Variants in ATP10D observed in about 807,000 individuals in gnomAD.
The protein encoded by ATP10D is ATPase phospholipid transporting 10D (putative), also known as phospholipid-transporting ATPase VD.
In ATP10D, 89 loss-of-function variants were observed where a neutral mutation model predicts 144.8. The observed-to-expected ratio is 0.61, with a 90% confidence interval of 0.52 to 0.73. ATP10D has a LOEUF of 0.73. ATP10D is among the 30% of genes least tolerant of loss of function. The probability of loss-of-function intolerance (pLI) is 0.00; values close to 1 mark genes in which losing one functional copy is unlikely to be tolerated. For missense variants in ATP10D, 1,603 were observed against 1,714.8 expected (o/e 0.93, Z 1.15); for synonymous variants, 571 against 615.1 (o/e 0.93, Z 1.06).
intron 1 of ATP10D, among the ~76,000 whole-genome samples, chr4:47,509,221 C>G (rs1716182667): frequency 7.6e-6 from 1 of 131,006 alleles, no homozygotes; most frequent in Non-Finnish European, 1.6e-5. Flanking sequence ...TATTTTCAAA[C>G]ATTGAAAATA....
chr4:47,576,000 C>T (rs1352417564), intron 18 of ATP10D, among the ~76,000 whole-genome samples: 5 of 138,738 alleles, frequency 3.6e-5, no homozygotes, highest in Admixed American at 1.5e-4. Flanking sequence ...GGCGCGATCT[C>T]GGCTCACTGC....
intron 9 of ATP10D, among the ~76,000 whole-genome samples, chr4:47,541,095 A>G (rs1161812462): frequency 2.0e-5 from 3 of 152,200 alleles, no homozygotes; most frequent in South Asian, 2.1e-4. Flanking sequence ...CTGTGCCTCA[A>G]TAAAAAGGAT....
chr4:47,580,752 T>A (rs1215195162), intron 20 of ATP10D, among the ~76,000 whole-genome samples: 1 of 152,160 alleles, frequency 6.6e-6, no homozygotes, highest in Non-Finnish European at 1.5e-5. Flanking sequence ...TGTCTGGCTA[T>A]ATAATTAGAT....
Position 47,563,573 on chromosome 4 carries a change from T to A in ATP10D, c.2669-8T>A. 6.3e-7 allele frequency: 1 copy of A among 1,595,922 alleles called. No homozygotes were observed. The highest frequency in any genetic ancestry group is 8.5e-7 in the Non-Finnish European group (1 of 1,173,250). Reference sequence around the variant, plus strand: ...TACAAGTCCTATTGCACTTTGGTTATTTTTTAGGTGCTACTGGCATTGAAG... The same window carrying A: ...TACAAGTCCTATTGCACTTTGGTTAATTTTTAGGTGCTACTGGCATTGAAG... On this transcript the variant is annotated splice_region_variant and splice_polypyrimidine_tract_variant and intron_variant, in intron 14 of 22. Coordinates refer to ENST00000273859, the MANE Select transcript of ATP10D (RefSeq NM_020453.4).
rs7683838 is a variant in ATP10D, at chr4:47,523,037, T to C, written c.511T>C (p.Cys171Arg). Residue 171 changes from cysteine to arginine, a missense_variant, in exon 4 of 23, where the codon TGC becomes CGC. Physicochemically the swap from Cys to Arg is radical, Grantham distance 180 (BLOSUM62 -3). Transcript: ENST00000273859. ...SRKEKKYIDRCWKDVTVGDFI... is the reference protein window; with the variant it reads ...SRKEKKYIDRRWKDVTVGDFI... ...GAAAGAGAAAAAATACATTGACCGA[T>C]GCTGGAAAGACGTTACTGTTGGGGA... is the stretch of plus-strand genomic sequence containing the variant. 208,272 of 1,612,640 alleles carry C rather than the reference T, an allele frequency of 0.13. 14,505 individuals carry two copies. Among genetic ancestry groups the C allele is most frequent in the African/African-American group, 0.16 (11,932 of 74,884 alleles).
intron 12 of ATP10D, 95 bp downstream of exon 12, chr4:47,558,368 TC>T: frequency 6.7e-7 from 1 of 1,481,654 alleles, no homozygotes; most frequent in Non-Finnish European, 9.0e-7. Flanking sequence ...GAAACAGCTA[TC>T]TGGGGACTAA....
chr4:47,512,935 G>A, intron 2 of ATP10D, 105 bp downstream of exon 2: 1 of 1,111,732 alleles, frequency 9.0e-7, no homozygotes, highest in Non-Finnish European at 1.3e-6. Context: ...TAAGACATGT[G>A]ACATCATCCT....
chr4:47,505,959 A>G (rs958777302), intron 1 of ATP10D, among the ~76,000 whole-genome samples: 3 of 152,116 alleles, frequency 2.0e-5, no homozygotes, highest in African/African-American at 7.2e-5. Flanking sequence ...TCCTGTATTT[A>G]CCTTTGGTAA....
intron 1 of ATP10D, among the ~76,000 whole-genome samples, chr4:47,508,164 G>T (rs1716123708): frequency 6.6e-6 from 1 of 152,172 alleles, no homozygotes. Context: ...CATGAACATT[G>T]TTGGGATGAG....
At chr4:47,580,145 A>C (rs1304196183) in intron 19 of ATP10D, among the ~76,000 whole-genome samples, 6 of 152,224 alleles carry the variant, frequency 3.9e-5, no homozygotes, top group Admixed American at 3.9e-4. Context: ...GCTGTATTTC[A>C]GCTAGATTTA....
At chr4:47,531,743 G>GCCC (rs1205802079) in intron 5 of ATP10D, among the ~76,000 whole-genome samples, 5 of 152,214 alleles carry the variant, frequency 3.3e-5, no homozygotes, top group African/African-American at 1.2e-4. Context: ...TCTTGTAAAT[G>GCCC]TCAGAATCAG....
intron 2 of ATP10D, among the ~76,000 whole-genome samples, chr4:47,513,632 A>G (rs1171228958): frequency 2.6e-5 from 4 of 152,186 alleles, no homozygotes; most frequent in South Asian, 2.1e-4. Context: ...AGTAGCATAA[A>G]AGGCTTGCTT....
intron 3 of ATP10D, among the ~76,000 whole-genome samples, chr4:47,517,115 A>G (rs1007685251): frequency 1.3e-5 from 2 of 152,184 alleles, no homozygotes; most frequent in African/African-American, 4.8e-5. Context: ...ACAAATGCAA[A>G]TATATAAATA....
intron 21 of ATP10D, among the ~76,000 whole-genome samples, chr4:47,585,610 A>G (rs932524645): frequency 3.9e-5 from 6 of 152,060 alleles, no homozygotes; most frequent in Non-Finnish European, 2.9e-5. Flanking sequence ...TTTCTTTTGT[A>G]CCCATTAACC....
intron 3 of ATP10D, among the ~76,000 whole-genome samples, chr4:47,522,294 T>C (rs750838665): frequency 1.1e-4 from 17 of 152,182 alleles, no homozygotes; most frequent in Non-Finnish European, 2.2e-4. Flanking sequence ...ATCTGCCTGA[T>C]GGGAAGTGCT....
intron 1 of ATP10D, among the ~76,000 whole-genome samples, chr4:47,501,650 T>G (rs1216264276): frequency 6.6e-6 from 1 of 152,204 alleles, no homozygotes. Context: ...GATATCTGGA[T>G]TAAGCTTAAG....
chr4:47,583,555 G>C lies in ATP10D; in HGVS notation c.3753+1491G>C, dbSNP rs1577709968. 2.0e-5 allele frequency among the ~76,000 whole-genome samples: 3 copies of C among 152,174 alleles called. No homozygotes were observed. The South Asian group carries it at 6.2e-4, about 31-fold the overall frequency. On this transcript the variant is annotated intron_variant, in intron 21 of 22. Transcript: ENST00000273859. ...AATATCTGCAAATACCAGATGGGTA[G>C]AGTAAAGGAAATTCTAGAACTGAAA... is the stretch of plus-strand genomic sequence containing the variant.
chr4:47,546,360 G>A (rs577551919), intron 9 of ATP10D, among the ~76,000 whole-genome samples: 1 of 152,292 alleles, frequency 6.6e-6, no homozygotes, highest in Non-Finnish European at 1.5e-5. Context: ...TCCACAGTAG[G>A]AGGAGGAAAG....
chr4:47,543,285 G>A (rs1306172010), intron 9 of ATP10D, among the ~76,000 whole-genome samples: 2 of 152,032 alleles, frequency 1.3e-5, no homozygotes, highest in East Asian at 3.9e-4. Flanking sequence ...CATCCACTGG[G>A]GGTCTTGGAA....
Sources: gnomAD v4.1 joint callset for allele counts (sites outside exome capture counted in the v4.1 genomes callset) on GRCh38, gnomAD v4.1.1 for gene constraint, MANE v1.5 for transcripts, NCBI Gene and HGNC (gene_info 2026-07-23, HGNC 2026-07-21) for gene names.